The following SLC7A10 variants were observed in gnomAD, a reference collection of about 807,000 sequenced individuals.
SLC7A10 encodes asc-type amino acid transporter 1.
Under a neutral mutation model 52.7 loss-of-function variants are expected in SLC7A10, and 30 were observed. That is an observed-to-expected ratio of 0.57 (90% CI 0.43 to 0.77). SLC7A10 has a LOEUF of 0.77. SLC7A10 is among the 30% of genes least tolerant of loss of function. The probability of loss-of-function intolerance (pLI) is 0.00; values close to 1 mark genes in which losing one functional copy is unlikely to be tolerated. For missense variants in SLC7A10, 581 were observed against 698.5 expected (o/e 0.83, Z 1.90); for synonymous variants, 318 against 314.9 (o/e 1.01, Z -0.10).
chr19:33,211,581 T>C, intron 5 of SLC7A10, 44 bp from the exon 6 acceptor site: 1 of 1,611,810 alleles, frequency 6.2e-7, no homozygotes. Context: ...CTCCTGAGGG[T>C]GCAGGACCCC....
At chr19:33,211,695 CT>C in intron 5 of SLC7A10, 158 bp from the exon 6 acceptor site, 1 of 1,419,262 alleles carries the variant, frequency 7.0e-7, no homozygotes, top group Non-Finnish European at 9.6e-7. Context: ...CACAGGGACC[CT>C]GTTGTCTGCC....
At chr19:33,222,120 C>T (rs939396939) in intron 1 of SLC7A10, among the ~76,000 whole-genome samples, 4 of 152,212 alleles carry the variant, frequency 2.6e-5, no homozygotes, top group African/African-American at 7.2e-5. Flanking sequence ...GCACTGGGAC[C>T]GGGCATGATG....
chr19:33,208,950 TCTC>T lies in SLC7A10; in HGVS notation c.1510_1512del (p.Glu504del), dbSNP rs773962144. The T allele has an allele frequency of 3.0e-5, 48 of 1,613,530 alleles. No homozygotes were observed. The highest frequency in any genetic ancestry group is 9.9e-5 in the South Asian group (9 of 91,060). ...AGCAGGGAGGGTGGGCAGGGGCCAT[TCTC>T]CTCCTCTTCGGGGGCGTCCTGGGGG... On this transcript the variant is annotated inframe_deletion, in exon 11 of 11. Coordinates refer to ENST00000253188, the MANE Select transcript of SLC7A10 (RefSeq NM_019849.3). The surrounding 1 kb of genome is among the most constrained non-coding windows in gnomAD (Gnocchi z 4.7).
Position 33,225,736 on chromosome 19 carries a change from C to T in SLC7A10, c.-33G>A, listed in dbSNP as rs1974911776. 2 of 1,472,460 alleles carry T rather than the reference C, an allele frequency of 1.4e-6. No homozygotes were observed. The highest frequency in any genetic ancestry group is 3.0e-5 in the African/African-American group (2 of 67,796). 91.2% of individuals were successfully genotyped at this position (1,472,460 alleles called of 1,614,324 possible). ...TCCCGCCGCGTCCCCGCTCCCTGCG[C>T]TGCCCCGTCTGTCCGGCCGGCCGCC... On this transcript the variant is annotated 5_prime_UTR_variant, in exon 1 of 11. Transcript: ENST00000253188.
intron 2 of SLC7A10, 69 bp downstream of exon 2, chr19:33,215,700 T>C (rs1599952233): frequency 6.9e-7 from 1 of 1,449,264 alleles, no homozygotes; most frequent in Non-Finnish European, 9.2e-7. Flanking sequence ...TGGAAACTGA[T>C]GCCAGGGCTC....
rs1974912919 is a variant in SLC7A10 at position 33,225,771 on chromosome 19, G to A, written c.-68C>T. Reference sequence around the variant, plus strand: ...TGTCCGGCCGGCCGCCCGTCGGTCCGTCGGTCCGTGAGCTCACGGCCCTCG... The same window carrying A: ...TGTCCGGCCGGCCGCCCGTCGGTCCATCGGTCCGTGAGCTCACGGCCCTCG... On this transcript the variant is annotated 5_prime_UTR_variant, in exon 1 of 11. In the 5' UTR this introduces an upstream ATG that the reference lacks. Coordinates refer to ENST00000253188, the MANE Select transcript of SLC7A10 (RefSeq NM_019849.3). The A allele has an allele frequency of 1.4e-6, 2 of 1,435,628 alleles. No individual in the cohort carries two copies. The highest frequency in any genetic ancestry group is 9.1e-7 in the Non-Finnish European group (1 of 1,099,206). The allele number at this position is 1,435,628 out of a possible 1,614,324, so 88.9% of individuals were successfully genotyped here.
intron 1 of SLC7A10, among the ~76,000 whole-genome samples, chr19:33,219,446 G>A (rs924772853): frequency 6.6e-6 from 1 of 152,224 alleles, no homozygotes; most frequent in Non-Finnish European, 1.5e-5. Context: ...CTCCTGTGGT[G>A]TGTGGGGAAT....
In SLC7A10 at chr19:33,215,974, C is replaced by T; in HGVS notation, c.152-1G>A. The T allele has an allele frequency of 6.3e-7, 1 of 1,580,334 alleles. No homozygotes were observed. Among genetic ancestry groups the T allele is most frequent in the Non-Finnish European group, 8.6e-7 (1 of 1,156,338 alleles). ...AAGATGCCCGAGCCGATGATGTTCC[C>T]TGCAGGGGGAGAGATGGGGAGGCAT... is the stretch of plus-strand genomic sequence containing the variant. On this transcript the variant is annotated splice_acceptor_variant, in intron 1 of 10. Coordinates refer to ENST00000253188, the MANE Select transcript of SLC7A10 (RefSeq NM_019849.3). LOFTEE classifies it high-confidence loss of function.
At position 33,208,962 on chromosome 19, in the gene SLC7A10, C is replaced by G; in HGVS notation, c.1501G>C (p.Glu501Gln). Residue 501 changes from glutamate (E) to glutamine (Q), a missense_variant, in exon 11 of 11, where the codon GAA becomes CAA. Glu to Gln is a conservative substitution (Grantham distance 29). Transcript: ENST00000253188. The surrounding 1 kb of genome is among the most constrained non-coding windows in gnomAD (Gnocchi z 4.7). ...CFVVYPQDAP[E>Q]EEENGPCPPS... is the part of the protein sequence containing the mutation. Reference sequence around the variant, plus strand: ...GGGCAGGGGCCATTCTCCTCCTCTTCGGGGGCGTCCTGGGGGTAGACCACG... The same window carrying G: ...GGGCAGGGGCCATTCTCCTCCTCTTGGGGGGCGTCCTGGGGGTAGACCACG... The G allele has an allele frequency of 1.2e-6, 2 of 1,613,792 alleles. No homozygotes were observed. The highest frequency in any genetic ancestry group is 1.7e-6 in the Non-Finnish European group (2 of 1,180,004).
At position 33,209,020 on chromosome 19, in the gene SLC7A10, C is replaced by A; in HGVS notation, c.1443G>T (p.Glu481Asp). 3.1e-6 allele frequency: 5 copies of A among 1,613,722 alleles called. No homozygotes were observed. The highest frequency in any genetic ancestry group is 4.2e-6 in the Non-Finnish European group (5 of 1,180,016). Residue 481 changes from glutamate (E) to aspartate (D), a missense_variant and splice_region_variant, in exon 11 of 11, where the codon GAG becomes GAT. Coordinates refer to ENST00000253188, the MANE Select transcript of SLC7A10 (RefSeq NM_019849.3). ...SKPKCVHRLT[E>D]SMTHWGQELC... ...GCTCCTGGCCCCAGTGTGTCATGGACTCTGAGGACAGACAGATGGACCTTG... is the reference window on the plus strand; with the variant it reads ...GCTCCTGGCCCCAGTGTGTCATGGAATCTGAGGACAGACAGATGGACCTTG...
chr19:33,218,613 C>A (rs1251091377), intron 1 of SLC7A10, among the ~76,000 whole-genome samples: 1 of 150,908 alleles, frequency 6.6e-6, no homozygotes, highest in Non-Finnish European at 1.5e-5. Context: ...GGGATGGGGG[C>A]CTCCAATGCT....
Position 33,208,822 on chromosome 19 carries a change from T to G in SLC7A10, c.*69A>C. The G allele has an allele frequency of 6.2e-7, 1 of 1,606,096 alleles. No homozygotes were observed. Among genetic ancestry groups the G allele is most frequent in the South Asian group, 1.1e-5 (1 of 89,456 alleles). On this transcript the variant is annotated 3_prime_UTR_variant, in exon 11 of 11. Coordinates refer to ENST00000253188, the MANE Select transcript of SLC7A10 (RefSeq NM_019849.3). The surrounding 1 kb of genome is among the most constrained non-coding windows in gnomAD (Gnocchi z 4.7). ...TCCAGAAAAAAACAAAACAAAACTT[T>G]TTTGCCAAAACACCTCCTCAATAAA...
chr19:33,223,551 A>G (rs1974858701), intron 1 of SLC7A10, among the ~76,000 whole-genome samples: 1 of 151,746 alleles, frequency 6.6e-6, no homozygotes, highest in African/African-American at 2.4e-5. Flanking sequence ...CTCAGTCCTC[A>G]CCTGCCCAGT....
At position 33,215,868 on chromosome 19, in the gene SLC7A10, G is replaced by A. The variant is rs751977636; in HGVS notation, c.257C>T (p.Thr86Met). Residue 86 changes from threonine to methionine, a missense_variant, in exon 2 of 11, where the codon ACG becomes ATG. By Grantham distance (81) the Thr-to-Met change is moderately conservative (BLOSUM62 -1). Coordinates refer to ENST00000253188, the MANE Select transcript of SLC7A10 (RefSeq NM_019849.3). ...LFVWVLGGGV[T>M]ALGSLCYAEL... ...TGCATAGCAGAGGGAGCCCAGAGCC[G>A]TCACGCCCCCACCCAGGACCCAGAC... The A allele has an allele frequency of 8.1e-6, 13 of 1,607,196 alleles. No homozygotes were observed. Among genetic ancestry groups the A allele is most frequent in the African/African-American group, 8.0e-5 (6 of 74,880 alleles).
At chr19:33,211,005 G>A (rs1329284993) in intron 7 of SLC7A10, 107 bp from the exon 8 acceptor site, 1 of 1,139,664 alleles carries the variant, frequency 8.8e-7, no homozygotes, top group African/African-American at 1.5e-5. Flanking sequence ...GGGCCCAGCA[G>A]CCCCACTGGA....
chr19:33,215,662 G>T, intron 2 of SLC7A10, 107 bp downstream of exon 2: 1 of 789,024 alleles, frequency 1.3e-6, no homozygotes, highest in Non-Finnish European at 1.6e-6. Context: ...CCACCCCCAC[G>T]ACCTCCCTAG....
intron 1 of SLC7A10, among the ~76,000 whole-genome samples, chr19:33,219,500 C>T (rs549576188): frequency 2.8e-4 from 43 of 152,288 alleles, no homozygotes; most frequent in African/African-American, 1.0e-3. Flanking sequence ...CCTGTCAGGC[C>T]AGGACACTGG....
At chr19:33,212,771 C>A (rs955812823) in intron 3 of SLC7A10, 80 bp downstream of exon 3, 1 of 1,605,862 alleles carries the variant, frequency 6.2e-7, no homozygotes, top group Non-Finnish European at 8.5e-7. Context: ...AAATTTCACC[C>A]CTCTGTCCTC....
rs199544613 is a variant in SLC7A10, at chr19:33,218,690, T to TCTTTCTTTCTTTCTTTC, written c.152-2718_152-2717insGAAAGAAAGAAAGAAAG. On this transcript the variant is annotated intron_variant, in intron 1 of 10. Transcript: ENST00000253188. ...CTTTCTTTCTTTCTTTCTTTTTTTT[T>TCTTTCTTTCTTTCTTTC]TTTTTTTAGTAGAGATGGGGTTTCA... Among the ~76,000 whole-genome samples the TCTTTCTTTCTTTCTTTC allele has an allele frequency of 1.1e-4, 10 of 90,418 alleles. No individual in the cohort carries two copies. In the East Asian group the frequency reaches 2.0e-3, roughly 18 times the overall value. 59.3% of individuals were successfully genotyped at this position (90,418 alleles called of 152,430 possible). A position where few individuals can be genotyped will look rare whatever the true frequency, so the allele number is the denominator to read the frequency against.
Sources: gnomAD v4.1 joint callset for allele counts (sites outside exome capture counted in the v4.1 genomes callset) on GRCh38, gnomAD v4.1.1 for gene constraint, Gnocchi (gnomAD v3.1) non-coding constraint, MANE v1.5 for transcripts, NCBI Gene and HGNC (gene_info 2026-07-23, HGNC 2026-07-21) for gene names.